NFU1: variants seen among roughly 807,000 people sequenced by gnomAD.
The protein encoded by NFU1 is NFU1 iron-sulfur cluster scaffold.
In NFU1, 30 loss-of-function variants were observed where a neutral mutation model predicts 32.2. The ratio of observed to expected loss-of-function variants is 0.93; its 90% confidence interval spans 0.70 to 1.26. The LOEUF (loss-of-function observed/expected upper bound fraction) is 1.26. Ranked by LOEUF, NFU1 falls within the 50% of genes most tolerant of loss-of-function variation. The pLI is 0.00. For synonymous variants in NFU1, 112 were observed against 104.6 expected, an observed-to-expected ratio of 1.07 and a Z score of -0.43; for missense variants, 306 against 306.6, an observed-to-expected ratio of 1.00 and a Z score of 0.02.
Position 69,396,140 on chromosome 2 carries a change from G to T in NFU1, c.*106C>A. 1 of 890,614 alleles carries T rather than the reference G, an allele frequency of 1.1e-6. No homozygotes were observed. Among genetic ancestry groups the T allele is most frequent in the Non-Finnish European group, 1.8e-6 (1 of 549,368 alleles). The allele number at this position is 890,614 out of a possible 1,614,324, so 55.2% of individuals were successfully genotyped here. A position where few individuals can be genotyped will look rare whatever the true frequency, so the allele number is the denominator to read the frequency against. On this transcript the variant is annotated 3_prime_UTR_variant, in exon 8 of 8. Coordinates refer to ENST00000410022, the MANE Select transcript of NFU1 (RefSeq NM_001002755.4). The stretch of plus-strand genomic sequence containing the variant: ...CAATATTTATATATCATTCTCTGAA[G>T]AGCATATTTTATTAATCTTCAAGTT...
chr2:69,403,122 A>G (rs1672581426), intron 6 of NFU1, among the ~76,000 whole-genome samples: 1 of 151,942 alleles, frequency 6.6e-6, no homozygotes, highest in Non-Finnish European at 1.5e-5. Flanking sequence ...GGGCTCAAGC[A>G]ATCTGCCACC....
intron 2 of NFU1, among the ~76,000 whole-genome samples, chr2:69,428,199 C>T (rs576616254): frequency 1.4e-4 from 21 of 152,078 alleles, no homozygotes; most frequent in African/African-American, 3.9e-4. Flanking sequence ...CCAAGGCAGG[C>T]GGATCACCTG....
At chr2:69,414,370 C>T (rs1328997463) in intron 5 of NFU1, among the ~76,000 whole-genome samples, 1 of 151,988 alleles carries the variant, frequency 6.6e-6, no homozygotes, top group Non-Finnish European at 1.5e-5. Context: ...GTAATCCCAG[C>T]ATTTTGAGAG....
rs1016784690 is a variant in NFU1 at position 69,401,783 on chromosome 2, G to C, written c.546-1245C>G. 3.3e-5 allele frequency among the ~76,000 whole-genome samples: 5 copies of C among 152,124 alleles called. 1 individual carries two copies. Among genetic ancestry groups the C allele is most frequent in the Admixed American group, 3.3e-4 (5 of 15,270 alleles). ...ACAATTGGTGTTGTCAGTCTTAATA[G>C]TTTTAACTATTCTACTGGATTTGTA... On this transcript the variant is annotated intron_variant, in intron 6 of 7. Transcript: ENST00000410022.
At chr2:69,404,740 C>T (rs993429893) in intron 6 of NFU1, among the ~76,000 whole-genome samples, 1 of 149,530 alleles carries the variant, frequency 6.7e-6, no homozygotes, top group Non-Finnish European at 1.5e-5. Flanking sequence ...CTACCTCGGT[C>T]TCCCTAGTAG....
At chr2:69,421,783 T>C (rs1574139022) in intron 3 of NFU1, among the ~76,000 whole-genome samples, 1 of 151,806 alleles carries the variant, frequency 6.6e-6, no homozygotes, top group East Asian at 1.9e-4. Flanking sequence ...GCCAGGATGC[T>C]CTCGATCTCC....
chr2:69,438,284 T>C (rs1217419114), upstream of NFU1, among the ~76,000 whole-genome samples: 2 of 151,778 alleles, frequency 1.3e-5, no homozygotes, highest in Non-Finnish European at 2.9e-5. Context: ...ACAGGGTCTA[T>C]CTCTGTTGCC....
At chr2:69,402,702 C>T (rs1672562504) in intron 6 of NFU1, among the ~76,000 whole-genome samples, 1 of 152,124 alleles carries the variant, frequency 6.6e-6, no homozygotes, top group African/African-American at 2.4e-5. Flanking sequence ...CTGCCTCAGC[C>T]TCCCGAGTAG....
rs1162941113 is a variant in NFU1 at position 69,406,044 on chromosome 2, C to T, written c.523G>A (p.Glu175Lys). Reference protein sequence around the residue: ...EDDEVVAMIKELLDTRIRPTV... With the variant: ...EDDEVVAMIKKLLDTRIRPTV... ...TACCGTATTCTAGTATCTAACAATTCCTTAATCATTGCCACAACTTCATCA... is the reference window on the plus strand; with the variant it reads ...TACCGTATTCTAGTATCTAACAATTTCTTAATCATTGCCACAACTTCATCA... The change falls in exon 6 of 8, where the codon GAA (glutamate) becomes AAA (lysine). Residue 175 changes from glutamate to lysine, a missense_variant. Glu to Lys is a moderately conservative substitution (Grantham distance 56). Transcript: ENST00000410022. 1.2e-6 allele frequency: 2 copies of T among 1,602,540 alleles called. No individual in the cohort carries two copies. The highest frequency in any genetic ancestry group is 1.1e-5 in the South Asian group (1 of 90,850).
In NFU1 at chr2:69,425,565, A is replaced by G. The variant is rs1257297134; in HGVS notation, c.167-1848T>C. On this transcript the variant is annotated intron_variant, in intron 2 of 7. Transcript: ENST00000410022. ...AGACAGGGTTTCACCATGTTGGCCCAGCTGGTCTCAAACTCCTGACCTCAC... is the reference window on the plus strand; with the variant it reads ...AGACAGGGTTTCACCATGTTGGCCCGGCTGGTCTCAAACTCCTGACCTCAC... Among the ~76,000 whole-genome samples the G allele has an allele frequency of 2.6e-5, 4 of 151,514 alleles. 1 individual carries two copies. Among genetic ancestry groups the G allele is most frequent in the South Asian group, 4.2e-4 (2 of 4,788 alleles).
At chr2:69,437,325 G>A (rs1673878777) in intron 1 of NFU1, 36 bp downstream of exon 1, 2 of 1,592,204 alleles carry the variant, frequency 1.3e-6, no homozygotes, top group Non-Finnish European at 1.7e-6. Flanking sequence ...TAAGCCCAGC[G>A]GCACACCTAT....
In NFU1 at chr2:69,396,250, G is replaced by A. The variant is rs1672326895; in HGVS notation, c.761C>T (p.Pro254Leu). 6.2e-7 allele frequency: 1 copy of A among 1,610,740 alleles called. No individual in the cohort carries two copies. Among genetic ancestry groups the A allele is most frequent in the Non-Finnish European group, 8.5e-7 (1 of 1,177,586 alleles). The change falls in exon 8 of 8, where the codon CCT becomes CTT. Residue 254 changes from proline to leucine, a missense_variant. Coordinates refer to ENST00000410022, the MANE Select transcript of NFU1 (RefSeq NM_001002755.4). Reference sequence around the variant, plus strand: ...CCAAAGAAAATCCAGATTATTTTAAGGTGAGTTTGCTTCTTTTTCATCTGA... The same window carrying A: ...CCAAAGAAAATCCAGATTATTTTAAAGTGAGTTTGCTTCTTTTTCATCTGA... Reference protein sequence around the residue: ...DESDEKEANSP With the variant: ...DESDEKEANSL
intron 2 of NFU1, among the ~76,000 whole-genome samples, chr2:69,429,093 A>C (rs1193995078): frequency 6.6e-6 from 1 of 152,212 alleles, no homozygotes. Context: ...CATTCTTCTG[A>C]AAATCTGTGT....
Position 69,400,394 on chromosome 2 carries a change from A to G in NFU1, c.690T>C (p.Phe230=). The G allele has an allele frequency of 6.2e-7, 1 of 1,614,180 alleles. No homozygotes were observed. The highest frequency in any genetic ancestry group is 8.5e-7 in the Non-Finnish European group (1 of 1,180,028). The part of the protein sequence containing the change: ...LKNGIQNMLQ[F]YIPEVEGVEQ... ...CTACGCCTTCTACCTCCGGAATATA[A>G]AACTGCAGCATGTTCTGAATTCCAT... Residue 230 remains phenylalanine, a synonymous_variant, in exon 7 of 8, where the codon TTT becomes TTC. Coordinates refer to ENST00000410022, the MANE Select transcript of NFU1 (RefSeq NM_001002755.4).
chr2:69,400,880 T>C (rs904966096), intron 6 of NFU1, among the ~76,000 whole-genome samples: 53 of 152,234 alleles, frequency 3.5e-4, no homozygotes, highest in African/African-American at 1.1e-3. Flanking sequence ...AGCCCAGGAG[T>C]TGGAAGCTGC....
chr2:69,407,078 CAATTAA>C (rs1401899541), intron 5 of NFU1, among the ~76,000 whole-genome samples: 1 of 152,106 alleles, frequency 6.6e-6, no homozygotes, highest in East Asian at 1.9e-4. Context: ...AACTGTGAGT[CAATTAA>C]ACCTCTTTCC....
chr2:69,435,618 T>C (rs1000781563), intron 1 of NFU1, among the ~76,000 whole-genome samples: 2 of 152,192 alleles, frequency 1.3e-5, no homozygotes, highest in Admixed American at 1.3e-4. Context: ...ATTGGAGAGA[T>C]AAAAGGATTG....
At chr2:69,423,537 G>C in intron 3 of NFU1, 45 bp downstream of exon 3, 1 of 1,579,730 alleles carries the variant, frequency 6.3e-7, no homozygotes, top group South Asian at 1.1e-5. Context: ...AAGTCAGTTA[G>C]TTATTTATGT....
chr2:69,404,017 T>G (rs999065537), intron 6 of NFU1, among the ~76,000 whole-genome samples: 1 of 150,950 alleles, frequency 6.6e-6, no homozygotes, highest in Non-Finnish European at 1.5e-5. Flanking sequence ...TTTTTGTATT[T>G]TTAATAGAGA....
Sources: gnomAD v4.1 joint callset for allele counts (sites outside exome capture counted in the v4.1 genomes callset) on GRCh38, gnomAD v4.1.1 for gene constraint, MANE v1.5 for transcripts, NCBI Gene and HGNC (gene_info 2026-07-23, HGNC 2026-07-21) for gene names.